Variants in F5 observed in about 807,000 individuals in gnomAD.
F5 encodes the protein activated protein c cofactor.
In F5, 138 loss-of-function variants were observed where a neutral mutation model predicts 216.4. The observed-to-expected ratio is 0.64, with a 90% CI of 0.56 to 0.73. F5 has a LOEUF of 0.73. Ranked by LOEUF, F5 falls within the 30% of genes least tolerant of loss-of-function variation. The pLI is 0.00. For missense variants in F5, 2,403 were observed against 2,674.0 expected, an observed-to-expected ratio of 0.90 and a Z score of 2.24; for synonymous variants, 916 against 930.7, an observed-to-expected ratio of 0.98 and a Z score of 0.29.
intron 2 of F5, among the ~76,000 whole-genome samples, chr1:169,579,144 A>T (rs898147921): frequency 2.1e-5 from 3 of 145,820 alleles, no homozygotes; most frequent in African/African-American, 7.7e-5. Context: ...CTCGCCTTCC[A>T]TTCACTCCTC....
At chr1:169,565,405 G>A (rs1239130673) in intron 3 of F5, among the ~76,000 whole-genome samples, 1 of 152,028 alleles carries the variant, frequency 6.6e-6, no homozygotes, top group East Asian at 1.9e-4. Context: ...GCCTTCCATA[G>A]GTACCTAGAG....
Position 169,529,623 on chromosome 1 carries a change from A to T in F5, c.5404T>A (p.Ser1802Thr), listed in dbSNP as rs763502147. The T allele has an allele frequency of 1.2e-6, 2 of 1,613,542 alleles. No homozygotes were observed. Among genetic ancestry groups the T allele is most frequent in the Admixed American group, 3.3e-5 (2 of 59,970 alleles). ...WRLTSSEMKK[S>T]HEFHAINGMI... The stretch of plus-strand genomic sequence containing the variant: ...AGGAAAATACCGTGAAACTCATGGG[A>T]TTTTTTCATTTCTGAGGATGTGAGT... Residue 1802 changes from serine to threonine, a missense_variant, in exon 16 of 25, where the codon TCC (serine) becomes ACC (threonine). Physicochemically the swap from Ser to Thr is moderately conservative, Grantham distance 58. This residue lies in a region of F5 where 659 missense variants were observed against 787.9 expected (regional missense o/e 0.84). Transcript: ENST00000367797.
In F5 at chr1:169,544,392, T is replaced by G. The variant is rs773627610; in HGVS notation, c.1879A>C (p.Thr627Pro). Residue 627 changes from threonine (T) to proline (P), a missense_variant, in exon 12 of 25, where the codon ACT (threonine) becomes CCT (proline). Physicochemically the swap from Thr to Pro is conservative, Grantham distance 38. Transcript: ENST00000367797. Reference protein sequence around the residue: ...TQNEILTIHFTGHSFIYGKRH... With the variant: ...TQNEILTIHFPGHSFIYGKRH... ...TTTCCATAGATGAATGAGTGCCCAG[T>G]GAAGTGGATGGTCAAAATTTCATTC... The G allele has an allele frequency of 1.2e-6, 2 of 1,614,120 alleles. No individual in the cohort carries two copies. Among genetic ancestry groups the G allele is most frequent in the Admixed American group, 3.3e-5 (2 of 60,014 alleles).
At chr1:169,578,433 G>A (rs1379890167) in intron 2 of F5, among the ~76,000 whole-genome samples, 3 of 152,158 alleles carry the variant, frequency 2.0e-5, no homozygotes, top group African/African-American at 4.8e-5. Flanking sequence ...AGCTATCCAT[G>A]CCTTTTTATT....
chr1:169,525,811 A>G, intron 18 of F5, 90 bp downstream of exon 18: 1 of 932,090 alleles, frequency 1.1e-6, no homozygotes, highest in Non-Finnish European at 1.8e-6. Flanking sequence ...CAGAGTTCTT[A>G]GAGTTGAATA....
chr1:169,537,364 C>T lies in F5; in HGVS notation c.4797-684G>A, dbSNP rs540227492. Among the ~76,000 whole-genome samples, 17 of 152,264 alleles carry T rather than the reference C, an allele frequency of 1.1e-4. 1 individual carries two copies. Among genetic ancestry groups the T allele is most frequent in the Admixed American group, 9.2e-4 (14 of 15,268 alleles). ...GAATGTTTTGTACCCTAAAAGTAGC[C>T]ACTCTTCTCACATTTGTTTTTTGCT... On this transcript the variant is annotated intron_variant, in intron 13 of 24. Coordinates refer to ENST00000367797, the MANE Select transcript of F5 (RefSeq NM_000130.5).
chr1:169,534,361 A>G (rs1217637178), intron 14 of F5, among the ~76,000 whole-genome samples: 2 of 152,128 alleles, frequency 1.3e-5, no homozygotes, highest in Non-Finnish European at 2.9e-5. Flanking sequence ...CTGGGTATAT[A>G]GCCAAAAAAG....
chr1:169,575,591 T>C (rs1359894073), intron 2 of F5, among the ~76,000 whole-genome samples: 4 of 151,894 alleles, frequency 2.6e-5, no homozygotes, highest in Admixed American at 6.6e-5. Flanking sequence ...TATGATGAGA[T>C]GATGAGGAGA....
intron 3 of F5, among the ~76,000 whole-genome samples, chr1:169,570,276 A>G (rs780967560): frequency 2.6e-5 from 4 of 152,084 alleles, no homozygotes; most frequent in African/African-American, 4.8e-5. Flanking sequence ...TCACTGTGCA[A>G]ACAGCCCAGG....
chr1:169,575,109 C>T (rs2101841870), intron 2 of F5, among the ~76,000 whole-genome samples: 1 of 152,256 alleles, frequency 6.6e-6, no homozygotes, highest in African/African-American at 2.4e-5. Flanking sequence ...GAGTATTTGA[C>T]AGTGGAATCT....
intron 9 of F5, 124 bp from the exon 10 acceptor site, chr1:169,550,139 T>G (rs1466766580): frequency 1.2e-6 from 1 of 801,704 alleles, no homozygotes; most frequent in Non-Finnish European, 2.0e-6. Context: ...TTTTATTTTT[T>G]TTAAATTATA....
chr1:169,542,925 G>A lies in F5; in HGVS notation c.2165C>T (p.Ala722Val). 7 of 1,614,058 alleles carry A rather than the reference G, an allele frequency of 4.3e-6. No individual in the cohort carries two copies. Among genetic ancestry groups the A allele is most frequent in the Non-Finnish European group, 5.1e-6 (6 of 1,179,972 alleles). Residue 722 changes from alanine (A) to valine (V), a missense_variant, in exon 13 of 25, where the codon GCT becomes GTT. Physicochemically the swap from Ala to Val is moderately conservative, Grantham distance 64. This residue lies in a region of F5 where 1,425 missense variants were observed against 1,554.8 expected (regional missense o/e 0.92). Transcript: ENST00000367797. Reference sequence around the variant, plus strand: ...CAGTCTGTTCTGGTAATCATAGTCAGCATCACTCTCTTCATCTTCAGGTTC... The same window carrying A: ...CAGTCTGTTCTGGTAATCATAGTCAACATCACTCTCTTCATCTTCAGGTTC... ...RLEPEDEESD[A>V]DYDYQNRLAA... is the part of the protein sequence containing the mutation.
intron 2 of F5, among the ~76,000 whole-genome samples, chr1:169,582,112 A>T (rs1461675855): frequency 1.3e-5 from 2 of 152,246 alleles, no homozygotes; most frequent in Non-Finnish European, 2.9e-5. Flanking sequence ...AGTTTTATTT[A>T]GTTATTTTAA....
rs143663052 is a variant in F5 at position 169,549,848 on chromosome 1, G to C, written c.1564C>G (p.Leu522Val). 29 of 1,613,972 alleles carry C rather than the reference G, an allele frequency of 1.8e-5. No individual in the cohort carries two copies. The African/African-American group carries it at 3.9e-4, about 22-fold the overall frequency. Residue 522 changes from leucine to valine, a missense_variant, in exon 10 of 25, where the codon CTA becomes GTA. Around this residue, in one of 4 missense-constraint regions of F5, gnomAD observed 1,425 missense variants for 1,554.8 expected, o/e 0.92. Transcript: ENST00000367797. The stretch of plus-strand genomic sequence containing the variant: ...GATCTGCTCTTACAGATTAGAAGTA[G>C]TCCTATTAGCCCAGAGGCGATGTCT... ...MRDIASGLIG[L>V]LLICKSRSLD...
chr1:169,530,698 G>A, intron 15 of F5, 88 bp downstream of exon 15: 1 of 1,193,220 alleles, frequency 8.4e-7, no homozygotes, highest in South Asian at 1.2e-5. Flanking sequence ...ACAGACATTT[G>A]ACAAGAAATA....
At chr1:169,565,982 AG>A (rs1437339632) in intron 3 of F5, among the ~76,000 whole-genome samples, 1 of 152,272 alleles carries the variant, frequency 6.6e-6, no homozygotes, top group African/African-American at 2.4e-5. Flanking sequence ...AGTCTATAAA[AG>A]AAAAAAAGTT....
In F5 at chr1:169,530,349, A is replaced by C. The variant is rs529389753; in HGVS notation, c.5208+437T>G. On this transcript the variant is annotated intron_variant, in intron 15 of 24. Transcript: ENST00000367797. ...AATGGAGGAGTTGTTTCTCTTTTTA[A>C]TTGACAGATAAAATTGTATGCATAT... is the stretch of plus-strand genomic sequence containing the variant. 3.3e-3 allele frequency among the ~76,000 whole-genome samples: 501 copies of C among 152,286 alleles called. 1 individual carries two copies. The highest frequency in any genetic ancestry group is 6.1e-3 in the Non-Finnish European group (415 of 68,030).
At chr1:169,560,339 G>A (rs534974682) in intron 4 of F5, among the ~76,000 whole-genome samples, 2 of 152,218 alleles carry the variant, frequency 1.3e-5, no homozygotes, top group South Asian at 4.1e-4. Flanking sequence ...CTTAAGGACT[G>A]AGATGAAGGA....
In F5 at chr1:169,555,039, T is replaced by C; in HGVS notation, c.1118+143A>G. On this transcript the variant is annotated intron_variant, in intron 7 of 24. Coordinates refer to ENST00000367797, the MANE Select transcript of F5 (RefSeq NM_000130.5). Reference sequence around the variant, plus strand: ...TTGGTGATTTGGGGGTAATTCAAGATTAATTTTTACAAAAAGACTTGAATA... The same window carrying C: ...TTGGTGATTTGGGGGTAATTCAAGACTAATTTTTACAAAAAGACTTGAATA... 4 of 921,058 alleles carry C rather than the reference T, an allele frequency of 4.3e-6. No individual in the cohort carries two copies. The East Asian group carries it at 9.8e-5, about 23-fold the overall frequency. 57.1% of individuals were successfully genotyped at this position (921,058 alleles called of 1,614,324 possible). A position where few individuals can be genotyped will look rare whatever the true frequency, so the allele number is the denominator to read the frequency against.
Sources: gnomAD v4.1 joint callset for allele counts (sites outside exome capture counted in the v4.1 genomes callset) on GRCh38, gnomAD v4.1.1 for gene constraint, gnomAD v4.1.1 regional missense constraint, MANE v1.5 for transcripts, NCBI Gene and HGNC (gene_info 2026-07-23, HGNC 2026-07-21) for gene names.